Variants in KCNH1 observed in about 807,000 individuals in gnomAD.
The protein encoded by KCNH1 is potassium voltage-gated channel subfamily H member 1, also known as voltage-gated delayed rectifier potassium channel KCNH1.
In KCNH1, 27 loss-of-function variants were observed where a neutral mutation model predicts 69.2. The observed-to-expected ratio is 0.39, with a 90% CI of 0.29 to 0.54. The LOEUF is 0.54. KCNH1 is among the 20% of genes least tolerant of loss of function. KCNH1 has a pLI of 0.68. For synonymous variants in KCNH1, 456 were observed against 487.7 expected (o/e 0.93, Z 0.86); for missense variants, 798 against 1,261.6 (o/e 0.63, Z 5.57).
intron 7 of KCNH1, among the ~76,000 whole-genome samples, chr1:210,863,006 C>T (rs1416349490): frequency 6.6e-6 from 1 of 152,174 alleles, no homozygotes; most frequent in African/African-American, 2.4e-5. Flanking sequence ...GGATTCAGGG[C>T]ATGCGTGTAA....
intron 6 of KCNH1, among the ~76,000 whole-genome samples, chr1:211,014,935 C>T (rs1335560816): frequency 1.3e-5 from 2 of 152,202 alleles, no homozygotes; most frequent in African/African-American, 4.8e-5. Flanking sequence ...AATTCTCCAA[C>T]CCAGGGGGTT....
At chr1:211,077,401 C>A (rs143116546) in intron 5 of KCNH1, among the ~76,000 whole-genome samples, 4 of 152,136 alleles carry the variant, frequency 2.6e-5, no homozygotes, top group Non-Finnish European at 4.4e-5. Flanking sequence ...AGACTAACAG[C>A]GGATCTCTCA....
At chr1:210,975,148 T>A (rs983317537) in intron 6 of KCNH1, among the ~76,000 whole-genome samples, 1 of 152,228 alleles carries the variant, frequency 6.6e-6, no homozygotes, top group African/African-American at 2.4e-5. Context: ...AAGACATGTC[T>A]GCTAGCAACC....
intron 6 of KCNH1, among the ~76,000 whole-genome samples, chr1:210,966,077 C>G (rs546031256): frequency 1.3e-5 from 2 of 152,110 alleles, no homozygotes; most frequent in African/African-American, 4.8e-5. Context: ...AGAAATAACA[C>G]CACACATCTA....
At chr1:210,905,666 T>A (rs1019589782) in intron 7 of KCNH1, among the ~76,000 whole-genome samples, 3 of 150,944 alleles carry the variant, frequency 2.0e-5, no homozygotes, top group African/African-American at 4.9e-5. Context: ...AAAAAAAAAA[T>A]CGTAAAACTG....
chr1:210,718,586 ATACCAAGTCT>A (rs1198306703), intron 10 of KCNH1, among the ~76,000 whole-genome samples: 5 of 120,804 alleles, frequency 4.1e-5, no homozygotes, highest in Admixed American at 3.0e-4. Flanking sequence ...TATATATAAA[ATACCAAGTCT>A]TATATAAATA....
chr1:211,085,468 T>A (rs1690935316), intron 4 of KCNH1, among the ~76,000 whole-genome samples: 2 of 143,512 alleles, frequency 1.4e-5, no homozygotes, highest in African/African-American at 2.6e-5. Flanking sequence ...AACAACAAAG[T>A]GGATAGTGGG....
chr1:210,711,602 G>A (rs1682076550), intron 10 of KCNH1, among the ~76,000 whole-genome samples: 1 of 152,086 alleles, frequency 6.6e-6, no homozygotes, highest in Non-Finnish European at 1.5e-5. Context: ...TCACTCAAAT[G>A]TCACCTCTCT....
At chr1:210,928,268 G>A (rs557422032) in intron 6 of KCNH1, among the ~76,000 whole-genome samples, 5 of 151,806 alleles carry the variant, frequency 3.3e-5, no homozygotes, top group Admixed American at 6.6e-5. Context: ...TTCAGCACAC[G>A]GAACATCAGC....
rs147746951 is a variant in KCNH1 at position 211,012,436 on chromosome 1, A to C, written c.1032+6347T>G. The stretch of plus-strand genomic sequence containing the variant: ...GCTATTGCTAAATAAATCATGGTAC[A>C]TCCATACAATAGGATATTATTCTGC... On this transcript the variant is annotated intron_variant, in intron 6 of 10. Coordinates refer to ENST00000271751, the MANE Select transcript of KCNH1 (RefSeq NM_172362.3). Among the ~76,000 whole-genome samples the C allele has an allele frequency of 3.9e-5, 6 of 152,330 alleles. No individual in the cohort carries two copies. In the East Asian group the frequency reaches 1.2e-3, roughly 29 times the overall value.
chr1:210,776,307 T>C (rs1419674347), intron 9 of KCNH1, among the ~76,000 whole-genome samples: 2 of 152,028 alleles, frequency 1.3e-5, no homozygotes, highest in Non-Finnish European at 2.9e-5. Flanking sequence ...TATAAAAATA[T>C]AGGCTCTATA....
At chr1:211,043,594 G>A (rs1366475387) in intron 5 of KCNH1, among the ~76,000 whole-genome samples, 1 of 152,096 alleles carries the variant, frequency 6.6e-6, no homozygotes, top group Non-Finnish European at 1.5e-5. Flanking sequence ...ATTCTATGAA[G>A]CCAGTATCAC....
At chr1:210,980,405 A>T (rs886405199) in intron 6 of KCNH1, among the ~76,000 whole-genome samples, 1 of 152,192 alleles carries the variant, frequency 6.6e-6, no homozygotes, top group African/African-American at 2.4e-5. Context: ...TTGCCCTAAC[A>T]GGAGATTTAC....
chr1:211,089,918 C>T (rs188769195), intron 4 of KCNH1, among the ~76,000 whole-genome samples: 2 of 152,162 alleles, frequency 1.3e-5, no homozygotes, highest in Admixed American at 1.3e-4. Flanking sequence ...TACGGTTGTT[C>T]CAGAAATCCT....
chr1:210,960,197 C>G (rs1036677470), intron 6 of KCNH1, among the ~76,000 whole-genome samples: 3 of 152,176 alleles, frequency 2.0e-5, no homozygotes, highest in African/African-American at 7.2e-5. Context: ...TAGAACATCA[C>G]CAATTTTAAT....
intron 7 of KCNH1, among the ~76,000 whole-genome samples, chr1:210,822,305 T>C (rs913072512): frequency 2.6e-5 from 4 of 151,878 alleles, no homozygotes; most frequent in Admixed American, 6.6e-5. Flanking sequence ...ATGTGGGATA[T>C]GGATGGAGAG....
At chr1:210,772,406 T>C (rs945529133) in intron 10 of KCNH1, among the ~76,000 whole-genome samples, 6 of 152,124 alleles carry the variant, frequency 3.9e-5, no homozygotes, top group African/African-American at 1.4e-4. Flanking sequence ...GGAGAATAAT[T>C]CATGCATGTA....
At chr1:211,037,697 T>C (rs918005021) in intron 5 of KCNH1, among the ~76,000 whole-genome samples, 3 of 152,076 alleles carry the variant, frequency 2.0e-5, no homozygotes, top group Admixed American at 6.6e-5. Context: ...CCTGTCTCTC[T>C]TAAGAGTACC....
intron 7 of KCNH1, among the ~76,000 whole-genome samples, chr1:210,907,842 T>C (rs893588726): frequency 6.6e-6 from 1 of 152,166 alleles, no homozygotes; most frequent in Non-Finnish European, 1.5e-5. Context: ...GCACCTATGG[T>C]CACCCAGAGT....
Sources: gnomAD v4.1 joint callset for allele counts (sites outside exome capture counted in the v4.1 genomes callset) on GRCh38, gnomAD v4.1.1 for gene constraint, MANE v1.5 for transcripts, NCBI Gene and HGNC (gene_info 2026-07-23, HGNC 2026-07-21) for gene names.